GNA12: variants seen among roughly 807,000 people sequenced by gnomAD.
The protein encoded by GNA12 is G protein subunit alpha 12.
Under a neutral mutation model 26.0 loss-of-function variants are expected in GNA12, and 9 were observed. The observed-to-expected ratio is 0.35, with a 90% CI of 0.21 to 0.60. The LOEUF is 0.60. Among genes scored for constraint, GNA12 ranks in the 20% least tolerant of loss-of-function variants. GNA12 has a pLI of 0.78. For missense variants in GNA12, 405 were observed against 525.8 expected, an observed-to-expected ratio of 0.77 and a Z score of 2.25; for synonymous variants, 264 against 219.6, an observed-to-expected ratio of 1.20 and a Z score of -1.79.
intron 1 of GNA12, among the ~76,000 whole-genome samples, chr7:2,805,350 G>C (rs761993717): frequency 2.0e-5 from 3 of 152,202 alleles, no homozygotes; most frequent in Non-Finnish European, 4.4e-5. Flanking sequence ...ATGAGAAAGC[G>C]GAAGCTCAAA....
chr7:2,781,863 G>A (rs1456346660), intron 2 of GNA12, among the ~76,000 whole-genome samples: 1 of 151,960 alleles, frequency 6.6e-6, no homozygotes, highest in African/African-American at 2.4e-5. Context: ...ACCACAATGA[G>A]GAAAAGAAAA....
intron 2 of GNA12, among the ~76,000 whole-genome samples, chr7:2,748,622 A>C (rs948266939): frequency 6.6e-6 from 1 of 152,174 alleles, no homozygotes; most frequent in African/African-American, 2.4e-5. Context: ...TGTCTAAAAC[A>C]CCAAAAGCAA....
chr7:2,760,060 G>A (rs2115392910), intron 2 of GNA12, among the ~76,000 whole-genome samples: 1 of 152,380 alleles, frequency 6.6e-6, no homozygotes, highest in East Asian at 1.9e-4. Context: ...AGGATGTCAA[G>A]GTTGAGGAAC....
chr7:2,759,430 G>T lies in GNA12; in HGVS notation c.526-25929C>A, dbSNP rs116252147. Among the ~76,000 whole-genome samples the T allele has an allele frequency of 5.2e-3, 796 of 152,282 alleles. 7 individuals are homozygous for T. Among genetic ancestry groups the T allele is most frequent in the African/African-American group, 0.018 (752 of 41,548 alleles). On this transcript the variant is annotated intron_variant, in intron 2 of 3. Transcript: ENST00000275364. ...GGTGTGTTATTACTGTTCTGTCCAT[G>T]TGACAGATGGGAAGACTGAGACAAA... is the stretch of plus-strand genomic sequence containing the variant.
intron 2 of GNA12, among the ~76,000 whole-genome samples, chr7:2,746,300 G>C (rs533047213): frequency 6.6e-5 from 10 of 152,162 alleles, no homozygotes; most frequent in Admixed American, 6.5e-4. Context: ...AAATGTAAAA[G>C]AACAGAAATT....
At chr7:2,836,487 G>T (rs534821108) in intron 1 of GNA12, among the ~76,000 whole-genome samples, 3 of 152,302 alleles carry the variant, frequency 2.0e-5, no homozygotes, top group Non-Finnish European at 4.4e-5. Context: ...ACCCAGGATG[G>T]GCGCTGCAGA....
Position 2,844,307 on chromosome 7 carries a change from A to T in GNA12, c.-146T>A, listed in dbSNP as rs1247073410. 1 of 245,552 alleles carries T rather than the reference A, an allele frequency of 4.1e-6. No individual in the cohort carries two copies. The highest frequency in any genetic ancestry group is 6.5e-6 in the Non-Finnish European group (1 of 154,578). The allele number at this position is 245,552 out of a possible 1,614,324, so 15.2% of individuals were successfully genotyped here. ...CGCCGCCGCCGCTGCAGTCGCTCCG[A>T]GGCCCGCACTCGTCGCCCGGCCGCC... On this transcript the variant is annotated 5_prime_UTR_variant, in exon 1 of 4. Coordinates refer to ENST00000275364, the MANE Select transcript of GNA12 (RefSeq NM_007353.3).
chr7:2,732,105 T>A (rs1170135089), intron 3 of GNA12, among the ~76,000 whole-genome samples: 1 of 152,216 alleles, frequency 6.6e-6, no homozygotes, highest in Admixed American at 6.5e-5. Context: ...CTAAAGCTTA[T>A]AGCTTCCAAA....
intron 1 of GNA12, among the ~76,000 whole-genome samples, chr7:2,831,774 C>T (rs909561593): frequency 1.3e-5 from 2 of 152,036 alleles, no homozygotes; most frequent in African/African-American, 2.4e-5. Flanking sequence ...ACCTCATGTG[C>T]GCCAAAAATT....
chr7:2,812,839 T>C (rs920563647), intron 1 of GNA12, among the ~76,000 whole-genome samples: 2 of 152,188 alleles, frequency 1.3e-5, no homozygotes, highest in African/African-American at 4.8e-5. Context: ...AGAAAGTTGG[T>C]AAACAAAGCA....
In GNA12 at chr7:2,812,612, A is replaced by G. The variant is rs545970637; in HGVS notation, c.310-17469T>C. Among the ~76,000 whole-genome samples, 8 of 151,858 alleles carry G rather than the reference A, an allele frequency of 5.3e-5. 1 individual carries two copies. The highest frequency in any genetic ancestry group is 3.4e-3 in the Middle Eastern group (1 of 292). On this transcript the variant is annotated intron_variant, in intron 1 of 3. Coordinates refer to ENST00000275364, the MANE Select transcript of GNA12 (RefSeq NM_007353.3). ...CCACTGCATTCCAGCCTGGGCAACA[A>G]GAGTGAAACTCCATCTCAAAAATAA...
chr7:2,788,863 C>T (rs1035749161), intron 2 of GNA12, among the ~76,000 whole-genome samples: 9 of 152,184 alleles, frequency 5.9e-5, no homozygotes, highest in African/African-American at 2.2e-4. Context: ...ACACGTTGCA[C>T]AGGCTGGAGT....
At chr7:2,766,753 C>T (rs1214959855) in intron 2 of GNA12, among the ~76,000 whole-genome samples, 1 of 152,050 alleles carries the variant, frequency 6.6e-6, no homozygotes, top group Non-Finnish European at 1.5e-5. Context: ...TCTCTGAGAC[C>T]CTGCTTTCCA....
intron 2 of GNA12, among the ~76,000 whole-genome samples, chr7:2,737,642 G>A (rs1012563740): frequency 2.0e-5 from 3 of 152,270 alleles, no homozygotes; most frequent in Non-Finnish European, 4.4e-5. Context: ...CTAAAGCGGG[G>A]TCATTCACAC....
At chr7:2,794,588 G>T in intron 2 of GNA12, 1 of 274,362 alleles carries the variant, frequency 3.6e-6, no homozygotes, top group Non-Finnish European at 6.9e-6. Context: ...GTCCAAAGTG[G>T]GAAGCTGTTG....
chr7:2,793,048 C>T (rs533077151), intron 2 of GNA12, among the ~76,000 whole-genome samples: 7 of 152,336 alleles, frequency 4.6e-5, no homozygotes, highest in South Asian at 2.1e-4. Context: ...CAGGGCTCAA[C>T]GGCACGCCTG....
chr7:2,806,032 G>A (rs1792938232), intron 1 of GNA12, among the ~76,000 whole-genome samples: 1 of 152,098 alleles, frequency 6.6e-6, no homozygotes, highest in Non-Finnish European at 1.5e-5. Flanking sequence ...TGGATATGTT[G>A]GATTCAATAA....
chr7:2,744,975 A>G lies in GNA12; in HGVS notation c.526-11474T>C, dbSNP rs528262212. Reference sequence around the variant, plus strand: ...GAGAAGAGAAGCTTAGAGAAAAAAGAATAAAAAGAAACGAACAAGGCCTCC... The same window carrying G: ...GAGAAGAGAAGCTTAGAGAAAAAAGGATAAAAAGAAACGAACAAGGCCTCC... On this transcript the variant is annotated intron_variant, in intron 2 of 3. Transcript: ENST00000275364. Among the ~76,000 whole-genome samples the G allele has an allele frequency of 1.8e-3, 272 of 152,340 alleles. 3 individuals are homozygous for G. Among genetic ancestry groups the G allele is most frequent in the African/African-American group, 6.1e-3 (253 of 41,574 alleles).
intron 2 of GNA12, among the ~76,000 whole-genome samples, chr7:2,780,866 T>C (rs577750070): frequency 6.6e-6 from 1 of 152,360 alleles, no homozygotes; most frequent in African/African-American, 2.4e-5. Context: ...TTTTCATACC[T>C]AGGATTGGGA....
Sources: allele counts gnomAD v4.1 joint callset (sites outside exome capture counted in the v4.1 genomes callset), GRCh38; gene constraint gnomAD v4.1.1; transcripts MANE v1.5; gene names NCBI Gene and HGNC (gene_info 2026-07-23, HGNC 2026-07-21).